The following KIAA1549 variants were observed in gnomAD, a reference collection of about 807,000 sequenced individuals.
KIAA1549 encodes UPF0606 protein KIAA1549.
KIAA1549 carries 70 observed loss-of-function variants against 156.4 expected under a neutral mutation model. That is an observed-to-expected ratio of 0.45 (90% CI 0.37 to 0.55). The LOEUF is 0.55. Among genes scored for constraint, KIAA1549 ranks in the 20% least tolerant of loss-of-function variants. The pLI is 0.00. For synonymous variants in KIAA1549, 1,103 were observed against 1,066.4 expected, an observed-to-expected ratio of 1.03 and a Z score of -0.67; for missense variants, 2,428 against 2,540.9, an observed-to-expected ratio of 0.96 and a Z score of 0.96.
At chr7:138,957,122 C>A (rs1249141407) in intron 1 of KIAA1549, among the ~76,000 whole-genome samples, 1 of 152,156 alleles carries the variant, frequency 6.6e-6, no homozygotes, top group Non-Finnish European at 1.5e-5. Context: ...TGTGCAAAGG[C>A]ACAGGGGCAT....
chr7:138,960,900 G>A (rs759100495), intron 1 of KIAA1549, among the ~76,000 whole-genome samples: 4 of 152,228 alleles, frequency 2.6e-5, no homozygotes, highest in Non-Finnish European at 5.9e-5. Context: ...TGATAAGAAT[G>A]CTGGGAAATT....
intron 14 of KIAA1549, among the ~76,000 whole-genome samples, chr7:138,869,276 GC>G (rs1810848837): frequency 6.6e-6 from 1 of 152,238 alleles, no homozygotes; most frequent in African/African-American, 2.4e-5. Flanking sequence ...ATGCCCCGAG[GC>G]AGGCAGAGGG....
At chr7:138,889,275 C>T (rs918181325) in intron 10 of KIAA1549, among the ~76,000 whole-genome samples, 2 of 152,162 alleles carry the variant, frequency 1.3e-5, no homozygotes, top group African/African-American at 4.8e-5. Flanking sequence ...ATAGGGCGGT[C>T]TACGTAGCCC....
chr7:138,975,028 AG>A (rs907774402), intron 1 of KIAA1549, among the ~76,000 whole-genome samples: 3 of 152,106 alleles, frequency 2.0e-5, no homozygotes, highest in East Asian at 3.9e-4. Context: ...CAAAATCACC[AG>A]GGGGATCTTG....
chr7:138,885,009 A>G (rs1811349338), intron 10 of KIAA1549, among the ~76,000 whole-genome samples: 1 of 152,236 alleles, frequency 6.6e-6, no homozygotes, highest in Non-Finnish European at 1.5e-5. Flanking sequence ...CAGCCTGACC[A>G]ACATGGAGAA....
intron 18 of KIAA1549, 79 bp from the exon 19 acceptor site, chr7:138,840,357 A>G: frequency 7.6e-7 from 1 of 1,316,002 alleles, no homozygotes. Flanking sequence ...CGAGGAAGAC[A>G]CTGTCAACTC....
intron 1 of KIAA1549, among the ~76,000 whole-genome samples, chr7:138,949,863 G>A (rs1381363093): frequency 6.6e-6 from 1 of 152,180 alleles, no homozygotes; most frequent in Non-Finnish European, 1.5e-5. Flanking sequence ...CAGGGGCCGG[G>A]GCAATTCACG....
intron 1 of KIAA1549, among the ~76,000 whole-genome samples, chr7:138,976,634 GA>G (rs1238028326): frequency 5.3e-5 from 8 of 152,044 alleles, no homozygotes; most frequent in Admixed American, 3.3e-4. Flanking sequence ...GTACATATAG[GA>G]AAAAACCATG....
At chr7:138,975,608 A>G (rs1335915140) in intron 1 of KIAA1549, among the ~76,000 whole-genome samples, 1 of 152,186 alleles carries the variant, frequency 6.6e-6, no homozygotes, top group Non-Finnish European at 1.5e-5. Context: ...CATAGTCACA[A>G]AGTTACAGGC....
At position 138,903,606 on chromosome 7, in the gene KIAA1549, T is replaced by C; in HGVS notation, c.3651A>G (p.Ala1217=). ...GGAGTACCTGCACCACACTGTTCCC[T>C]GCAGCTACAGTGGCCCTTCTCCACA... is the stretch of plus-strand genomic sequence containing the variant. The part of the protein sequence containing the change: ...RRMWRRATVA[A]GNSVVQVVNV... The change falls in exon 8 of 20, where the codon GCA becomes GCG. Residue 1217 remains alanine, a synonymous_variant. Coordinates refer to ENST00000422774, the MANE Select transcript of KIAA1549 (RefSeq NM_001164665.2). 1.2e-6 allele frequency: 2 copies of C among 1,613,790 alleles called. No individual in the cohort carries two copies. The highest frequency in any genetic ancestry group is 2.2e-5 in the South Asian group (2 of 91,014).
At chr7:138,867,752 G>A (rs1366026649) in intron 15 of KIAA1549, among the ~76,000 whole-genome samples, 1 of 152,100 alleles carries the variant, frequency 6.6e-6, no homozygotes, top group Non-Finnish European at 1.5e-5. Context: ...GGTGGCACTC[G>A]GCAGCACCCT....
intron 16 of KIAA1549, among the ~76,000 whole-genome samples, chr7:138,857,492 A>G (rs1026336025): frequency 1.3e-5 from 2 of 152,184 alleles, no homozygotes; most frequent in African/African-American, 4.8e-5. Flanking sequence ...GGTAGGATAT[A>G]TGTTTAACTT....
intron 1 of KIAA1549, among the ~76,000 whole-genome samples, chr7:138,975,421 AG>A (rs149424034): frequency 0.048 from 7,218 of 151,202 alleles, 568 homozygotes; most frequent in African/African-American, 0.17. Context: ...ACAACCTAAC[AG>A]AAAAAGGACA....
chr7:138,910,394 A>G lies in KIAA1549; in HGVS notation c.3145+752T>C, dbSNP rs1253177512. 5.6e-5 allele frequency among the ~76,000 whole-genome samples: 7 copies of G among 123,958 alleles called. No homozygotes were observed. The East Asian group carries it at 2.0e-3, about 35-fold the overall frequency. 81.3% of individuals were successfully genotyped at this position (123,958 alleles called of 152,430 possible). On this transcript the variant is annotated intron_variant, in intron 4 of 19. Transcript: ENST00000422774. ...CTCTACAAAACATAATGTTTCTTAA[A>G]TTCTTTTTTTTTTTTTTTTTTGAGA...
chr7:138,878,510 C>T (rs1811151339), intron 12 of KIAA1549, among the ~76,000 whole-genome samples: 1 of 152,220 alleles, frequency 6.6e-6, no homozygotes, highest in African/African-American at 2.4e-5. Flanking sequence ...CCTATAATCC[C>T]AGCACTTTGG....
Position 138,975,676 on chromosome 7 carries a change from C to T in KIAA1549, c.187+5407G>A, listed in dbSNP as rs140799243. ...ACTCACCTTTTAACAAATCCTGCTG[C>T]CTAACAACAAGAAAAAGAAATCACA... On this transcript the variant is annotated intron_variant, in intron 1 of 19. Transcript: ENST00000422774. 7.9e-3 allele frequency among the ~76,000 whole-genome samples: 1,204 copies of T among 152,276 alleles called. 9 individuals are homozygous for T. The highest frequency in any genetic ancestry group is 0.014 in the Middle Eastern group (4 of 294).
Position 138,956,154 on chromosome 7 carries a change from A to G in KIAA1549, c.187+24929T>C, listed in dbSNP as rs549385746. ...AGCGACACGCCCACCTCAGCCTCCC[A>G]AAGTCAGCACTGGGTTTAAAATGAC... On this transcript the variant is annotated intron_variant, in intron 1 of 19. Transcript: ENST00000422774. Among the ~76,000 whole-genome samples, 3 of 152,206 alleles carry G rather than the reference A, an allele frequency of 2.0e-5. No homozygotes were observed. The South Asian group carries it at 6.2e-4, about 32-fold the overall frequency.
intron 18 of KIAA1549, among the ~76,000 whole-genome samples, chr7:138,841,369 C>T (rs369087133): frequency 5.1e-4 from 78 of 152,274 alleles, no homozygotes; most frequent in African/African-American, 1.9e-3. Flanking sequence ...CTCCCCCAGC[C>T]TCACTGGTGC....
intron 12 of KIAA1549, among the ~76,000 whole-genome samples, chr7:138,874,567 C>G (rs1419727331): frequency 6.6e-6 from 1 of 152,124 alleles, no homozygotes; most frequent in Non-Finnish European, 1.5e-5. Context: ...ATAGGCCAGG[C>G]ACAGAAGGAT....
Sources: allele counts gnomAD v4.1 joint callset (sites outside exome capture counted in the v4.1 genomes callset), GRCh38; gene constraint gnomAD v4.1.1; transcripts MANE v1.5; gene names NCBI Gene and HGNC (gene_info 2026-07-23, HGNC 2026-07-21).